The following PCNX1 variants were observed in gnomAD, a reference collection of about 807,000 sequenced individuals.
PCNX1 encodes pecanex 1, also known as pecanex-like protein 1.
A neutral mutation model predicts 242.2 loss-of-function variants in PCNX1; 78 were observed. The ratio of observed to expected loss-of-function variants is 0.32; its 90% CI spans 0.27 to 0.39. PCNX1 has a LOEUF of 0.39. Among genes scored for constraint, PCNX1 ranks in the 10% least tolerant of loss-of-function variants. The pLI is 1.00. For synonymous variants in PCNX1, 1,024 were observed against 1,032.9 expected (o/e 0.99, Z 0.17); for missense variants, 2,581 against 2,856.5 (o/e 0.90, Z 2.20).
intron 1 of PCNX1, among the ~76,000 whole-genome samples, chr14:70,924,946 T>C (rs1486945415): frequency 2.0e-5 from 3 of 152,112 alleles, no homozygotes; most frequent in African/African-American, 7.2e-5. Context: ...TTTTCAGATA[T>C]GCAATTATAT....
chr14:71,088,846 C>T (rs2062059209), intron 29 of PCNX1, among the ~76,000 whole-genome samples: 1 of 152,154 alleles, frequency 6.6e-6, no homozygotes, highest in Non-Finnish European at 1.5e-5. Context: ...AATTTCCTAA[C>T]ATATACATCC....
intron 27 of PCNX1, 97 bp downstream of exon 27, chr14:71,073,895 C>T (rs558568758): frequency 2.2e-5 from 18 of 810,762 alleles, no homozygotes; most frequent in Admixed American, 1.7e-4. Context: ...TTTTTTTTAA[C>T]GTATGCTTTG....
intron 23 of PCNX1, 106 bp from the exon 24 acceptor site, chr14:71,051,777 G>T (rs2061042625): frequency 1.9e-6 from 2 of 1,042,138 alleles, no homozygotes; most frequent in Middle Eastern, 2.2e-4. Flanking sequence ...GTGAACCTCA[G>T]TTCTCTAATT....
rs553572637 is a variant in PCNX1 at position 71,108,748 on chromosome 14, G to A, written c.6446G>A (p.Arg2149Gln). 38 of 1,614,184 alleles carry A rather than the reference G, an allele frequency of 2.4e-5. No homozygotes were observed. Among genetic ancestry groups the A allele is most frequent in the East Asian group, 2.0e-4 (9 of 44,882 alleles). ...RMSTTGFVPCRRSSTSQISLR... is the reference protein window; with the variant it reads ...RMSTTGFVPCQRSSTSQISLR... ...TCCACCACTGGGTTTGTGCCTTGTC[G>A]GCGCTCTTCTACTAGTCAGATATCG... Residue 2149 changes from arginine (R) to glutamine (Q), a missense_variant, in exon 34 of 36, where the codon CGG becomes CAG. This residue lies in a region of PCNX1 where 432 missense variants were observed against 433.6 expected (regional missense o/e 1.00). Transcript: ENST00000304743.
intron 2 of PCNX1, among the ~76,000 whole-genome samples, chr14:70,949,873 A>G (rs1026718806): frequency 2.6e-5 from 4 of 152,220 alleles, no homozygotes; most frequent in Non-Finnish European, 4.4e-5. Context: ...ACATACCTCA[A>G]AACAATTCTA....
In PCNX1 at chr14:70,979,409, G is replaced by A. The variant is rs114157159; in HGVS notation, c.2311+761G>A. Among the ~76,000 whole-genome samples the A allele has an allele frequency of 8.3e-3, 1,263 of 152,074 alleles. 10 individuals are homozygous for A. The highest frequency in any genetic ancestry group is 0.029 in the African/African-American group (1,189 of 41,512). ...AGGTGATTTTATATTCTGTCAGTGT[G>A]TGTTGGCCTCTTTATTTCAGAGTTA... On this transcript the variant is annotated intron_variant, in intron 6 of 35. Coordinates refer to ENST00000304743, the MANE Select transcript of PCNX1 (RefSeq NM_014982.3).
At position 70,995,790 on chromosome 14, in the gene PCNX1, C is replaced by G; in HGVS notation, c.2494C>G (p.Gln832Glu). 1 of 1,614,072 alleles carries G rather than the reference C, an allele frequency of 6.2e-7. No individual in the cohort carries two copies. ...GQQSTAQVKVQSRPPSQAAVL... is the reference protein window; with the variant it reads ...GQQSTAQVKVESRPPSQAAVL... ...GCAGTCCACAGCCCAGGTCAAAGTC[C>G]AGTCCCGCCCCCCTTCCCAGGCTGC... Residue 832 changes from glutamine to glutamate, a missense_variant, in exon 8 of 36, where the codon CAG (glutamine) becomes GAG (glutamate). Transcript: ENST00000304743.
chr14:71,012,205 G>A (rs1176671366), intron 10 of PCNX1: 1 of 152,846 alleles, frequency 6.5e-6, no homozygotes, highest in Non-Finnish European at 1.5e-5. Context: ...ACAATGATAA[G>A]AGACTGTGGG....
chr14:71,073,766 C>A lies in PCNX1; in HGVS notation c.5074C>A (p.Leu1692Ile), dbSNP rs1350358930. The A allele has an allele frequency of 6.2e-7, 1 of 1,610,384 alleles. No homozygotes were observed. Among genetic ancestry groups the A allele is most frequent in the Non-Finnish European group, 8.5e-7 (1 of 1,177,104 alleles). ...SAASMLQVFD[L>I]RKVLTTYYVK... Reference sequence around the variant, plus strand: ...TGCTTCTATGCTTCAAGTCTTTGATCTTCGGAAAGTACTCACCACTTACTA... The same window carrying A: ...TGCTTCTATGCTTCAAGTCTTTGATATTCGGAAAGTACTCACCACTTACTA... Residue 1692 changes from leucine to isoleucine, a missense_variant, in exon 27 of 36, where the codon CTT (leucine) becomes ATT (isoleucine). Around this residue, in one of 9 missense-constraint regions of PCNX1, gnomAD observed 298 missense variants for 480.1 expected, o/e 0.62. Transcript: ENST00000304743.
intron 26 of PCNX1, among the ~76,000 whole-genome samples, chr14:71,062,624 G>C (rs1445031961): frequency 1.3e-5 from 2 of 152,002 alleles, no homozygotes; most frequent in African/African-American, 2.4e-5. Flanking sequence ...TAAAAAAATT[G>C]AAAGTTTATA....
At chr14:71,036,226 T>G in intron 19 of PCNX1, 69 bp downstream of exon 19, 6 of 975,590 alleles carry the variant, frequency 6.2e-6, no homozygotes, top group Non-Finnish European at 9.9e-6. Context: ...TCACCCAGGC[T>G]GGAGTGCAGT....
chr14:71,023,906 G>A (rs2060170700), intron 13 of PCNX1, among the ~76,000 whole-genome samples: 1 of 152,006 alleles, frequency 6.6e-6, no homozygotes, highest in Non-Finnish European at 1.5e-5. Context: ...AATGGGAATG[G>A]ATGAGCAAAA....
At chr14:71,033,338 G>A (rs1595314661) in intron 16 of PCNX1, 91 bp from the exon 17 acceptor site, 4 of 617,756 alleles carry the variant, frequency 6.5e-6, no homozygotes, top group Non-Finnish European at 2.8e-6. Flanking sequence ...ATTTAAGTTC[G>A]TTGTCTTTTT....
In PCNX1 at chr14:71,108,647, A is replaced by G. The variant is rs761345040; in HGVS notation, c.6345A>G (p.Arg2115=). The change falls in exon 34 of 36, where the codon AGA becomes AGG. Residue 2115 remains arginine, a synonymous_variant. Transcript: ENST00000304743. ...ACTCTGTGCAGTCGGGCCTGGTCAG[A>G]CAGTCTCCTGCCCGGGCCTCAGTAG... ...SSHSVQSGLV[R]QSPARASVAS... 2 of 1,614,122 alleles carry G rather than the reference A, an allele frequency of 1.2e-6. No individual in the cohort carries two copies. The highest frequency in any genetic ancestry group is 1.7e-5 in the Admixed American group (1 of 60,018).
intron 26 of PCNX1, among the ~76,000 whole-genome samples, chr14:71,064,102 A>G (rs2061389948): frequency 6.6e-6 from 1 of 152,084 alleles, no homozygotes; most frequent in Non-Finnish European, 1.5e-5. Flanking sequence ...TGTTTTATTT[A>G]GTTTTATCAG....
intron 16 of PCNX1, among the ~76,000 whole-genome samples, chr14:71,032,776 A>G (rs1391120784): frequency 6.6e-6 from 1 of 152,206 alleles, no homozygotes; most frequent in Non-Finnish European, 1.5e-5. Context: ...TCTGCCAGGT[A>G]TCATGCTGAT....
chr14:71,108,848 C>T lies in PCNX1; in HGVS notation c.6546C>T (p.Gly2182=), dbSNP rs774866003. The change falls in exon 34 of 36, where the codon GGC becomes GGT. Residue 2182 remains glycine (G), a synonymous_variant. Coordinates refer to ENST00000304743, the MANE Select transcript of PCNX1 (RefSeq NM_014982.3). ...VNQMEPSGQS[G]LACVQHGLPS... is the part of the protein sequence containing the mutation. ...AAATGGAACCCTCAGGTCAGAGCGG[C>T]CTGGCCTGTGTGCAGCACGGCCTGC... 14 of 1,614,236 alleles carry T rather than the reference C, an allele frequency of 8.7e-6. No individual in the cohort carries two copies. The highest frequency in any genetic ancestry group is 1.7e-5 in the Admixed American group (1 of 60,026).
intron 26 of PCNX1, among the ~76,000 whole-genome samples, chr14:71,070,353 G>A (rs1330408285): frequency 1.3e-5 from 2 of 152,140 alleles, no homozygotes; most frequent in African/African-American, 4.8e-5. Flanking sequence ...GTCCTTACTG[G>A]CATCTAAAAG....
At chr14:71,018,899 A>G in intron 11 of PCNX1, 110 bp from the exon 12 acceptor site, 1 of 867,886 alleles carries the variant, frequency 1.2e-6, no homozygotes. Flanking sequence ...TACCAAAAAG[A>G]CATCTTGGCA....
Sources: gnomAD v4.1 joint callset for allele counts (sites outside exome capture counted in the v4.1 genomes callset) on GRCh38, gnomAD v4.1.1 for gene constraint, gnomAD v4.1.1 regional missense constraint, MANE v1.5 for transcripts, NCBI Gene and HGNC (gene_info 2026-07-23, HGNC 2026-07-21) for gene names.